The following GRM7 variants were observed in gnomAD, a reference collection of about 807,000 sequenced individuals.
The protein encoded by GRM7 is glutamate metabotropic receptor 7.
GRM7 carries 35 observed loss-of-function variants against 84.5 expected under a neutral mutation model. That is an observed-to-expected ratio of 0.41 (90% CI 0.32 to 0.55). The LOEUF is 0.55. Ranked by LOEUF, GRM7 falls within the 20% of genes least tolerant of loss-of-function variation. GRM7 has a pLI of 0.19. For missense variants in GRM7, 1,003 were observed against 1,194.6 expected (o/e 0.84, Z 2.36); for synonymous variants, 487 against 455.1 (o/e 1.07, Z -0.89).
chr3:7,198,155 TAAA>T lies in GRM7; in HGVS notation c.736+51499_736+51501del, dbSNP rs55839391. ...AGTTAAGGAATAAAGGATAAAATGT[TAAA>T]AAAAAAAAAAAGAGAGAGATGGAAA... is the stretch of plus-strand genomic sequence containing the variant. On this transcript the variant is annotated intron_variant, in intron 2 of 9. Coordinates refer to ENST00000357716, the MANE Select transcript of GRM7 (RefSeq NM_000844.4). Among the ~76,000 whole-genome samples the T allele has an allele frequency of 5.8e-4, 80 of 137,682 alleles. 1 individual carries two copies. The highest frequency in any genetic ancestry group is 4.0e-3 in the Admixed American group (55 of 13,842). The allele number at this position is 137,682 out of a possible 152,430, so 90.3% of individuals were successfully genotyped here.
intron 2 of GRM7, among the ~76,000 whole-genome samples, chr3:7,261,535 G>A (rs1377272250): frequency 1.3e-5 from 2 of 152,088 alleles, no homozygotes; most frequent in Non-Finnish European, 2.9e-5. Flanking sequence ...ATGGAGTTTT[G>A]CTTCCTTATT....
intron 2 of GRM7, among the ~76,000 whole-genome samples, chr3:7,178,838 TG>T: frequency 1.3e-5 from 2 of 152,142 alleles, no homozygotes; most frequent in East Asian, 3.9e-4. Flanking sequence ...CCCAGCACTT[TG>T]GGAGGCCGAG....
chr3:7,035,824 T>C (rs925955815), intron 1 of GRM7, among the ~76,000 whole-genome samples: 1 of 152,210 alleles, frequency 6.6e-6, no homozygotes, highest in South Asian at 2.1e-4. Flanking sequence ...TCAGCCCCCA[T>C]GTCTTAGAAA....
chr3:6,943,232 A>AT (rs1697950668), intron 1 of GRM7, among the ~76,000 whole-genome samples: 1 of 151,470 alleles, frequency 6.6e-6, no homozygotes. Flanking sequence ...ATTTATATAT[A>AT]TTTTTTCTTT....
intron 5 of GRM7, among the ~76,000 whole-genome samples, chr3:7,422,314 A>G (rs1696430291): frequency 6.6e-6 from 1 of 152,220 alleles, no homozygotes; most frequent in Non-Finnish European, 1.5e-5. Flanking sequence ...GCTTTAGACC[A>G]GCGTTGACCA....
chr3:7,565,602 C>T (rs146591730), intron 7 of GRM7, among the ~76,000 whole-genome samples: 5 of 152,222 alleles, frequency 3.3e-5, no homozygotes, highest in South Asian at 2.1e-4. Context: ...AGCCAGCTGA[C>T]GGATATCTCT....
intron 1 of GRM7, among the ~76,000 whole-genome samples, chr3:6,882,241 TTC>T (rs1695539858): frequency 1.3e-5 from 2 of 152,206 alleles, no homozygotes; most frequent in African/African-American, 4.8e-5. Flanking sequence ...AAGGCTGATT[TTC>T]TTTTGTACAA....
chr3:7,576,680 T>C (rs1009116363), intron 7 of GRM7, among the ~76,000 whole-genome samples: 17 of 152,234 alleles, frequency 1.1e-4, no homozygotes, highest in Non-Finnish European at 2.5e-4. Context: ...ATCTATTGGT[T>C]AGTTCAATTG....
intron 7 of GRM7, among the ~76,000 whole-genome samples, chr3:7,516,572 A>G (rs80327964): frequency 6.6e-6 from 1 of 151,356 alleles, no homozygotes; most frequent in East Asian, 2.0e-4. Context: ...TCAAACTGGT[A>G]TAACCAGCAA....
chr3:7,698,194 A>G (rs2125156195), intron 9 of GRM7, among the ~76,000 whole-genome samples: 1 of 152,272 alleles, frequency 6.6e-6, no homozygotes, highest in South Asian at 2.1e-4. Flanking sequence ...GCAAGGGGAA[A>G]GTCTGACTAT....
chr3:7,552,587 A>T (rs544526045), intron 7 of GRM7, among the ~76,000 whole-genome samples: 6 of 152,240 alleles, frequency 3.9e-5, no homozygotes, highest in African/African-American at 1.4e-4. Context: ...AGGATCCCAA[A>T]CCTCAGTTCT....
intron 1 of GRM7, among the ~76,000 whole-genome samples, chr3:6,933,156 T>C (rs1559336852): frequency 6.6e-6 from 1 of 152,202 alleles, no homozygotes; most frequent in Non-Finnish European, 1.5e-5. Context: ...AGGTGGAGTT[T>C]AATAAAATAC....
intron 2 of GRM7, among the ~76,000 whole-genome samples, chr3:7,176,088 T>C (rs1695136575): frequency 6.6e-6 from 1 of 151,924 alleles, no homozygotes; most frequent in African/African-American, 2.4e-5. Context: ...ATATAGAACC[T>C]TAAAGAGAGC....
At chr3:7,436,724 C>G (rs747090877) in intron 5 of GRM7, among the ~76,000 whole-genome samples, 2 of 152,184 alleles carry the variant, frequency 1.3e-5, no homozygotes, top group Non-Finnish European at 2.9e-5. Context: ...CTCTCCAACT[C>G]TTGCCATTTC....
intron 2 of GRM7, among the ~76,000 whole-genome samples, chr3:7,235,228 T>C (rs187313435): frequency 1.7e-3 from 258 of 152,328 alleles, no homozygotes; most frequent in Non-Finnish European, 3.0e-3. Context: ...GTGGATGTCC[T>C]GAGTGTTTGT....
chr3:7,698,306 T>C (rs565605366), intron 9 of GRM7, among the ~76,000 whole-genome samples: 4 of 152,336 alleles, frequency 2.6e-5, no homozygotes, highest in African/African-American at 9.6e-5. Context: ...GCAGCCATGC[T>C]GTGTGGCACA....
At chr3:7,435,748 C>T (rs1452929924) in intron 5 of GRM7, among the ~76,000 whole-genome samples, 2 of 138,864 alleles carry the variant, frequency 1.4e-5, no homozygotes, top group Non-Finnish European at 3.0e-5. Flanking sequence ...AGTGCAGTGG[C>T]ACGATCTTGG....
At chr3:7,482,049 G>T (rs1304014422) in intron 7 of GRM7, among the ~76,000 whole-genome samples, 1 of 152,100 alleles carries the variant, frequency 6.6e-6, no homozygotes, top group Non-Finnish European at 1.5e-5. Context: ...TTAGCCAGGT[G>T]TGGTTGTGGA....
At chr3:7,725,053 TTCA>T (rs1702076476) in intron 9 of GRM7, among the ~76,000 whole-genome samples, 1 of 152,188 alleles carries the variant, frequency 6.6e-6, no homozygotes, top group South Asian at 2.1e-4. Context: ...GGATATAATT[TTCA>T]TCAAGACATG....
Sources: gnomAD v4.1 joint callset for allele counts (sites outside exome capture counted in the v4.1 genomes callset) on GRCh38, gnomAD v4.1.1 for gene constraint, MANE v1.5 for transcripts, NCBI Gene and HGNC (gene_info 2026-07-23, HGNC 2026-07-21) for gene names.